PKIB: variants seen among roughly 807,000 people sequenced by gnomAD.
PKIB encodes PKI-beta.
PKIB carries 2 observed loss-of-function variants against 4.5 expected under a neutral mutation model. The observed-to-expected ratio is 0.44, with a 90% confidence interval of 0.18 to 1.39. The LOEUF (loss-of-function observed/expected upper bound fraction) is 1.39. PKIB is among the 40% of genes most tolerant of loss of function. PKIB has a pLI of 0.27. For missense variants in PKIB, 94 were observed against 92.6 expected, an observed-to-expected ratio of 1.02 and a Z score of -0.06; for synonymous variants, 38 against 36.0, an observed-to-expected ratio of 1.06 and a Z score of -0.20.
intron 2 of PKIB, chr6:122,478,739 C>G (rs964940172): frequency 2.0e-5 from 3 of 152,004 alleles, no homozygotes; most frequent in African/African-American, 7.3e-5. Flanking sequence ...GGATTAAATG[C>G]CAATAGGAGA....
intron 2 of PKIB, among the ~76,000 whole-genome samples, chr6:122,541,179 T>C (rs1184265767): frequency 1.3e-5 from 2 of 152,094 alleles, no homozygotes; most frequent in African/African-American, 4.8e-5. Flanking sequence ...TTAGCCCATT[T>C]ACATTTAAAG....
At chr6:122,709,314 G>A (rs748861214) in intron 3 of PKIB, among the ~76,000 whole-genome samples, 14 of 152,076 alleles carry the variant, frequency 9.2e-5, no homozygotes, top group Non-Finnish European at 2.9e-5. Flanking sequence ...GAGGACTAAG[G>A]GCAGTCACTT....
intron 1 of PKIB, among the ~76,000 whole-genome samples, chr6:122,612,396 A>G (rs1242744568): frequency 1.3e-5 from 2 of 152,098 alleles, no homozygotes; most frequent in Non-Finnish European, 2.9e-5. Flanking sequence ...AACCATTACC[A>G]TATCTGGTTT....
intron 2 of PKIB, among the ~76,000 whole-genome samples, chr6:122,672,486 C>T (rs1383363964): frequency 6.6e-6 from 1 of 152,108 alleles, no homozygotes; most frequent in Non-Finnish European, 1.5e-5. Flanking sequence ...TATCAATACA[C>T]CTTGATGAGT....
intron 2 of PKIB, among the ~76,000 whole-genome samples, chr6:122,550,576 C>T (rs1026865626): frequency 4.2e-4 from 64 of 152,190 alleles, no homozygotes; most frequent in African/African-American, 1.5e-3. Context: ...ATACCATTTT[C>T]ACCAATATCA....
intron 3 of PKIB, chr6:122,701,579 G>C: frequency 6.7e-7 from 1 of 1,502,570 alleles, no homozygotes; most frequent in Non-Finnish European, 9.1e-7. Flanking sequence ...TGCCACATAG[G>C]CCATAGCTCA....
chr6:122,529,441 C>A (rs997359279), intron 2 of PKIB, among the ~76,000 whole-genome samples: 2 of 151,954 alleles, frequency 1.3e-5, no homozygotes, highest in Non-Finnish European at 2.9e-5. Context: ...GAATTTTTGT[C>A]ATTTAAGTTT....
At chr6:122,719,716 T>TAC (rs202212013) in intron 4 of PKIB, among the ~76,000 whole-genome samples, 56 of 132,892 alleles carry the variant, frequency 4.2e-4, no homozygotes, top group South Asian at 1.3e-3. Flanking sequence ...CCACCACACA[T>TAC]ACACACACAC....
intron 3 of PKIB, among the ~76,000 whole-genome samples, chr6:122,715,665 A>ATATATATG (rs56066517): frequency 6.7e-6 from 1 of 150,236 alleles, no homozygotes; most frequent in Non-Finnish European, 1.5e-5. Flanking sequence ...ATATATATAT[A>ATATATATG]CATACACATA....
chr6:122,605,976 A>G (rs1457807486), upstream of PKIB, among the ~76,000 whole-genome samples: 1 of 152,180 alleles, frequency 6.6e-6, no homozygotes, highest in African/African-American at 2.4e-5. Flanking sequence ...AGACTTGGCT[A>G]CAGTGGACTG....
intron 3 of PKIB, among the ~76,000 whole-genome samples, chr6:122,675,529 G>T (rs1290766213): frequency 1.3e-5 from 2 of 152,168 alleles, no homozygotes; most frequent in Non-Finnish European, 2.9e-5. Context: ...GGAAGAAATA[G>T]TATTCTGTTA....
intron 3 of PKIB, among the ~76,000 whole-genome samples, chr6:122,685,828 G>A (rs9388113): frequency 0.25 from 37,581 of 151,832 alleles, 5,134 homozygotes; most frequent in East Asian, 0.43. Context: ...CCAGCCTCTG[G>A]TAACCATCCA....
chr6:122,640,691 TAGAGCAAGATTATGCCAAC>T (rs1333127366), intron 2 of PKIB, among the ~76,000 whole-genome samples: 1 of 152,230 alleles, frequency 6.6e-6, no homozygotes, highest in Non-Finnish European at 1.5e-5. Flanking sequence ...GGTGGTGAAC[TAGAGCAAGATTATGCCAAC>T]ATGAGACACA....
intron 1 of PKIB, among the ~76,000 whole-genome samples, chr6:122,617,199 C>T (rs1313685610): frequency 2.0e-5 from 3 of 152,164 alleles, no homozygotes; most frequent in Admixed American, 6.5e-5. Context: ...CAAAGTTCTA[C>T]ACCTCTGAAA....
intron 2 of PKIB, among the ~76,000 whole-genome samples, chr6:122,659,741 A>G (rs936859657): frequency 7.2e-5 from 11 of 152,186 alleles, no homozygotes; most frequent in Admixed American, 5.2e-4. Context: ...AAAGTTGCCT[A>G]TGTGTATCAC....
intron 2 of PKIB, among the ~76,000 whole-genome samples, chr6:122,492,339 A>G (rs1162900649): frequency 6.6e-6 from 1 of 152,174 alleles, no homozygotes; most frequent in East Asian, 1.9e-4. Context: ...AATTCAGGTT[A>G]TAGGGAAGTC....
chr6:122,698,546 A>C (rs888687908), intron 3 of PKIB, among the ~76,000 whole-genome samples: 1 of 152,194 alleles, frequency 6.6e-6, no homozygotes, highest in Non-Finnish European at 1.5e-5. Flanking sequence ...GTACAAGGCC[A>C]GGAAAGGCAG....
intron 3 of PKIB, among the ~76,000 whole-genome samples, chr6:122,684,352 A>G (rs879856395): frequency 9.2e-5 from 14 of 152,186 alleles, no homozygotes; most frequent in Admixed American, 8.5e-4. Flanking sequence ...TGTTATTTTT[A>G]TCACAATAAA....
chr6:122,576,027 A>G (rs1415647373), intron 2 of PKIB, among the ~76,000 whole-genome samples: 4 of 152,242 alleles, frequency 2.6e-5, no homozygotes, highest in African/African-American at 4.8e-5. Context: ...ATGAAACTCT[A>G]GGAAAGACAA....
Sources: allele counts gnomAD v4.1 joint callset (sites outside exome capture counted in the v4.1 genomes callset), GRCh38; gene constraint gnomAD v4.1.1; transcripts MANE v1.5; gene names NCBI Gene and HGNC (gene_info 2026-07-23, HGNC 2026-07-21).